The following MUC12 variants were observed in gnomAD, a reference collection of about 807,000 sequenced individuals.
MUC12 encodes mucin-12.
Under a neutral mutation model 230.8 loss-of-function variants are expected in MUC12, and 172 were observed. That is an observed-to-expected ratio of 0.75 (90% CI 0.66 to 0.85). The LOEUF is 0.85. Among genes scored for constraint, MUC12 ranks in the 40% least tolerant of loss-of-function variants. The pLI, the probability that MUC12 is intolerant of heterozygous loss-of-function variation, is 0.00. For synonymous variants in MUC12, 1,259 were observed against 2,401.9 expected, an observed-to-expected ratio of 0.52 and a Z score of 13.91; for missense variants, 3,506 against 5,920.6, an observed-to-expected ratio of 0.59 and a Z score of 13.38.
Position 101,013,118 on chromosome 7 carries a change from T to A in MUC12, c.15614T>A (p.Leu5205Gln). The change falls in exon 8 of 12, where the codon CTG (leucine) becomes CAG (glutamine). Residue 5205 changes from leucine to glutamine, a missense_variant. By Grantham distance (113) the Leu-to-Gln change is moderately radical. Coordinates refer to ENST00000536621, the MANE Select transcript of MUC12 (RefSeq NM_001164462.2). The part of the protein sequence containing the change: ...QMNCNLGTCQ[L>Q]QRSGPRCLCP... Reference sequence around the variant, plus strand: ...AACTGTAACCTGGGCACATGTCAGCTGCAACGCAGTGGCCCCCGCTGCCTG... The same window carrying A: ...AACTGTAACCTGGGCACATGTCAGCAGCAACGCAGTGGCCCCCGCTGCCTG... The A allele has an allele frequency of 6.5e-7, 1 of 1,537,298 alleles. No homozygotes were observed. Among genetic ancestry groups the A allele is most frequent in the Non-Finnish European group, 8.7e-7 (1 of 1,146,914 alleles).
rs923165491 is a variant in MUC12 at position 100,973,017 on chromosome 7, G to A, written c.67+3328G>A. The A allele has an allele frequency of 1.4e-5, 10 of 703,104 alleles. No individual in the cohort carries two copies. In the East Asian group the frequency reaches 2.7e-4, roughly 19 times the overall value. 43.6% of individuals were successfully genotyped at this position (703,104 alleles called of 1,614,324 possible). On this transcript the variant is annotated intron_variant, in intron 1 of 11. Coordinates refer to ENST00000536621, the MANE Select transcript of MUC12 (RefSeq NM_001164462.2). ...GGGCATCTGCTGGATGGAGCGTGAT[G>A]TTTGCTGGGGAGAGTGTGGTGGTGC...
At chr7:101,009,198 A>G (rs1793805676) in intron 5 of MUC12, 39 bp downstream of exon 5, 2 of 1,521,944 alleles carry the variant, frequency 1.3e-6, no homozygotes, top group African/African-American at 2.8e-5. Flanking sequence ...ATGTGGGGAA[A>G]TCCTCCTTGT....
At chr7:100,979,529 C>A (rs1793074464) in intron 1 of MUC12, among the ~76,000 whole-genome samples, 1 of 152,120 alleles carries the variant, frequency 6.6e-6, no homozygotes, top group South Asian at 2.1e-4. Flanking sequence ...TGCCTGCAAT[C>A]TCAGCACTTT....
Position 101,004,449 on chromosome 7 carries a change from A to T in MUC12, c.13886A>T (p.Glu4629Val), listed in dbSNP as rs1206147251. The change falls in exon 2 of 12, where the codon GAA becomes GTA. Residue 4629 changes from glutamate (E) to valine (V), a missense_variant. Transcript: ENST00000536621. ...ESSTASGRSE[E>V]SRTSHSSTTH... ...TCCACAGCTTCAGGTCGTAGTGAAG[A>T]ATCAAGAACTTCCCACAGCAGCACA... is the stretch of plus-strand genomic sequence containing the variant. 2 of 1,525,414 alleles carry T rather than the reference A, an allele frequency of 1.3e-6. No homozygotes were observed. Among genetic ancestry groups the T allele is most frequent in the South Asian group, 2.4e-5 (2 of 83,190 alleles). The allele number at this position is 1,525,414 out of a possible 1,614,324, so 94.5% of individuals were successfully genotyped here.
chr7:101,007,602 A>C (rs1793774904), intron 3 of MUC12, among the ~76,000 whole-genome samples: 1 of 152,180 alleles, frequency 6.6e-6, no homozygotes, highest in Non-Finnish European at 1.5e-5. Context: ...TGATGGCTGA[A>C]TAGTACTCCA....
intron 7 of MUC12, 30 bp downstream of exon 7, chr7:101,012,920 A>G (rs770740921): frequency 1.3e-5 from 20 of 1,537,162 alleles, no homozygotes; most frequent in Non-Finnish European, 1.7e-5. Context: ...GTGGGCACTA[A>G]GAGTGGGGGC....
chr7:100,974,982 G>T, intron 1 of MUC12, among the ~76,000 whole-genome samples: 1 of 152,310 alleles, frequency 6.6e-6, no homozygotes, highest in Non-Finnish European at 1.5e-5. Context: ...AGGCTGTATT[G>T]ACCGGGAGGA....
At position 101,004,428 on chromosome 7, in the gene MUC12, C is replaced by T. The variant is rs1175368706; in HGVS notation, c.13865C>T (p.Thr4622Ile). Residue 4622 changes from threonine to isoleucine, a missense_variant, in exon 2 of 12, where the codon ACA becomes ATA. Thr to Ile is a moderately conservative substitution (Grantham distance 89). Transcript: ENST00000536621. ...TQTMHFPESSTASGRSEESRT... is the reference protein window; with the variant it reads ...TQTMHFPESSIASGRSEESRT... ...ACAATGCACTTCCCTGAAAGCTCCA[C>T]AGCTTCAGGTCGTAGTGAAGAATCA... 4 of 1,517,806 alleles carry T rather than the reference C, an allele frequency of 2.6e-6. No homozygotes were observed. Among genetic ancestry groups the T allele is most frequent in the Non-Finnish European group, 8.8e-7 (1 of 1,140,780 alleles). 94.0% of individuals were successfully genotyped at this position (1,517,806 alleles called of 1,614,324 possible). A position where few individuals can be genotyped will look rare whatever the true frequency, so the allele number is the denominator to read the frequency against.
chr7:100,990,705 A>T lies in MUC12; in HGVS notation c.142A>T (p.Thr48Ser), dbSNP rs1362250734. 1 of 1,537,650 alleles carries T rather than the reference A, an allele frequency of 6.5e-7. No individual in the cohort carries two copies. Among genetic ancestry groups the T allele is most frequent in the Admixed American group, 2.0e-5 (1 of 50,972 alleles). ...ACCCAGTTCAAGCGACCCTTTTACC[A>T]CCTTTAGTGACTATGGGGTGTCAGT... The part of the protein sequence containing the change: ...STPSSSDPFT[T>S]FSDYGVSVTF... Residue 48 changes from threonine (T) to serine (S), a missense_variant, in exon 2 of 12, where the codon ACC (threonine) becomes TCC (serine). Physicochemically the swap from Thr to Ser is moderately conservative, Grantham distance 58. Transcript: ENST00000536621.
At chr7:100,975,043 G>A (rs1319924932) in intron 1 of MUC12, among the ~76,000 whole-genome samples, 2 of 151,836 alleles carry the variant, frequency 1.3e-5, no homozygotes, top group African/African-American at 4.8e-5. Flanking sequence ...GGCCTGTTGA[G>A]TGTGGAATGA....
rs1433276139 is a variant in MUC12 at position 100,995,605 on chromosome 7, C to G, written c.5042C>G (p.Thr1681Arg). The part of the protein sequence containing the change: ...HTTLSPAGST[T>R]RQGESTTFQS... ...ACACTGTCCCCTGCCGGCTCTACAA[C>G]ACGTCAGGGAGAATCTACCACCTTC... Residue 1681 changes from threonine (T) to arginine (R), a missense_variant, in exon 2 of 12, where the codon ACA becomes AGA. Transcript: ENST00000536621. The G allele has an allele frequency of 2.6e-6, 4 of 1,536,836 alleles. No homozygotes were observed. Among genetic ancestry groups the G allele is most frequent in the Admixed American group, 3.9e-5 (2 of 50,952 alleles).
chr7:100,988,419 C>T (rs1793228418), intron 1 of MUC12, among the ~76,000 whole-genome samples: 1 of 152,088 alleles, frequency 6.6e-6, no homozygotes, highest in African/African-American at 2.4e-5. Context: ...TGATTGGAAG[C>T]TTCCTGAGGC....
At chr7:101,018,494 C>A (rs897384723) in intron 11 of MUC12, 101 bp from the exon 12 acceptor site, 2 of 1,122,124 alleles carry the variant, frequency 1.8e-6, no homozygotes, top group Non-Finnish European at 2.6e-6. Context: ...CCTCCCTCCC[C>A]CTGGGGTTCC....
chr7:100,977,591 C>G (rs954061170), intron 1 of MUC12, among the ~76,000 whole-genome samples: 4 of 152,182 alleles, frequency 2.6e-5, no homozygotes, highest in African/African-American at 9.7e-5. Context: ...GTCTCGAACT[C>G]CTGACCTCGT....
rs757056521 is a variant in MUC12 at position 101,006,496 on chromosome 7, G to A, written c.14982G>A (p.Trp4994Ter). The A allele has an allele frequency of 2.6e-6, 4 of 1,537,232 alleles. No homozygotes were observed. The South Asian group carries it at 4.8e-5, about 18-fold the overall frequency. ...APGLCQEGQIWNGKQCVCPQG... is the reference protein window; with the variant it reads ...APGLCQEGQI The stretch of plus-strand genomic sequence containing the variant: ...GGTTGTGCCAGGAAGGACAAATTTG[G>A]AATGGAAAACAATGCGTCTGTCCCC... The change falls in exon 3 of 12, where the codon TGG becomes TGA. Residue 4994 changes from tryptophan (W) to a stop codon, truncating the protein, a stop_gained. Coordinates refer to ENST00000536621, the MANE Select transcript of MUC12 (RefSeq NM_001164462.2). LOFTEE classifies it high-confidence loss of function.
intron 1 of MUC12, among the ~76,000 whole-genome samples, chr7:100,971,965 A>C (rs1792910258): frequency 6.6e-6 from 1 of 152,310 alleles, no homozygotes; most frequent in South Asian, 2.1e-4. Context: ...AAGATAACAC[A>C]GGTGAATCCC....
In MUC12 at chr7:100,995,736, A is replaced by G. The variant is rs1296617423; in HGVS notation, c.5173A>G (p.Thr1725Ala). Residue 1725 changes from threonine (T) to alanine (A), a missense_variant, in exon 2 of 12, where the codon ACA (threonine) becomes GCA (alanine). Physicochemically the swap from Thr to Ala is moderately conservative, Grantham distance 58. Transcript: ENST00000536621. ...TSHGSPSSTP[T>A]THFSASSTTL... ...CCACGGCAGCCCGAGCTCAACTCCA[A>G]CAACCCACTTTTCTGCCAGCTCCAC... 9 of 1,534,698 alleles carry G rather than the reference A, an allele frequency of 5.9e-6. No individual in the cohort carries two copies. The highest frequency in any genetic ancestry group is 7.9e-6 in the Non-Finnish European group (9 of 1,146,302).
chr7:101,005,457 A>G lies in MUC12; in HGVS notation c.14894A>G (p.His4965Arg), dbSNP rs1273579759. ...CTCACTGAGGAATCTACCACCTTCC[A>G]CACCAGTCCAAGCTTCACTTCTACA... Reference protein sequence around the residue: ...SGLTEESTTFHTSPSFTSTIV... With the variant: ...SGLTEESTTFRTSPSFTSTIV... Residue 4965 changes from histidine to arginine, a missense_variant, in exon 2 of 12, where the codon CAC becomes CGC. By Grantham distance (29) the His-to-Arg change is conservative. Coordinates refer to ENST00000536621, the MANE Select transcript of MUC12 (RefSeq NM_001164462.2). 3 of 1,537,666 alleles carry G rather than the reference A, an allele frequency of 2.0e-6. No individual in the cohort carries two copies. Among genetic ancestry groups the G allele is most frequent in the Non-Finnish European group, 2.6e-6 (3 of 1,147,004 alleles).
chr7:101,006,480 A>C lies in MUC12; in HGVS notation c.14966A>C (p.Gln4989Pro). Residue 4989 changes from glutamine (Q) to proline (P), a missense_variant, in exon 3 of 12, where the codon CAG (glutamine) becomes CCG (proline). Coordinates refer to ENST00000536621, the MANE Select transcript of MUC12 (RefSeq NM_001164462.2). ...SLETLAPGLCQEGQIWNGKQC... is the reference protein window; with the variant it reads ...SLETLAPGLCPEGQIWNGKQC... ...TTCTATCTCTCCACAGGGTTGTGCC[A>C]GGAAGGACAAATTTGGAATGGAAAA... 1 of 1,537,066 alleles carries C rather than the reference A, an allele frequency of 6.5e-7. No individual in the cohort carries two copies. Among genetic ancestry groups the C allele is most frequent in the Non-Finnish European group, 8.7e-7 (1 of 1,146,778 alleles).
Sources: allele counts gnomAD v4.1 joint callset (sites outside exome capture counted in the v4.1 genomes callset), GRCh38; gene constraint gnomAD v4.1.1; transcripts MANE v1.5; gene names NCBI Gene and HGNC (gene_info 2026-07-23, HGNC 2026-07-21).